Variants in VANGL1 observed in about 807,000 individuals in gnomAD.
VANGL1 encodes the protein VANGL planar cell polarity protein 1, also known as vang-like protein 1.
Under a neutral mutation model 48.4 loss-of-function variants are expected in VANGL1, and 18 were observed. The observed-to-expected ratio is 0.37, with a 90% CI of 0.26 to 0.55. The LOEUF is 0.55. VANGL1 is among the 20% of genes least tolerant of loss of function. The pLI, the probability that VANGL1 is intolerant of heterozygous loss-of-function variation, is 0.81. For missense variants in VANGL1, 667 were observed against 675.8 expected (o/e 0.99, Z 0.14); for synonymous variants, 257 against 261.8 (o/e 0.98, Z 0.18).
At chr1:115,686,481 GA>G (rs1304129768) in intron 7 of VANGL1, among the ~76,000 whole-genome samples, 1 of 151,158 alleles carries the variant, frequency 6.6e-6, no homozygotes, top group East Asian at 2.0e-4. Context: ...AGTGTTACAA[GA>G]AACAGCCATG....
At chr1:115,643,478 CT>C (rs1340572325) in intron 1 of VANGL1, among the ~76,000 whole-genome samples, 8 of 152,236 alleles carry the variant, frequency 5.3e-5, no homozygotes, top group Non-Finnish European at 7.4e-5. Flanking sequence ...GAAACTGTTT[CT>C]TTTTCCAGTT....
chr1:115,659,501 T>A, intron 2 of VANGL1, 140 bp from the exon 3 acceptor site: 1 of 1,105,286 alleles, frequency 9.0e-7, no homozygotes, highest in East Asian at 2.5e-5. Context: ...TGGGTTTTGA[T>A]GCTCTGTGTG....
In VANGL1 at chr1:115,691,423, A is replaced by G. The variant is rs1314285104; in HGVS notation, c.*44A>G. On this transcript the variant is annotated 3_prime_UTR_variant, in exon 8 of 8. Coordinates refer to ENST00000355485, the MANE Select transcript of VANGL1 (RefSeq NM_138959.3). The stretch of plus-strand genomic sequence containing the variant: ...TTTATTAAAAAAAAAAGAAAAATAT[A>G]TAGAGAGATATATATCTATGCCAGA... The G allele has an allele frequency of 1.9e-6, 3 of 1,569,336 alleles. No individual in the cohort carries two copies. Among genetic ancestry groups the G allele is most frequent in the Non-Finnish European group, 2.6e-6 (3 of 1,156,562 alleles).
intron 4 of VANGL1, chr1:115,671,403 C>T (rs1652967271): frequency 6.6e-6 from 1 of 152,364 alleles, no homozygotes; most frequent in Non-Finnish European, 1.5e-5. Context: ...TGCTCCAGCC[C>T]AGGTTTCGGG....
At chr1:115,677,064 G>T (rs966015416) in intron 4 of VANGL1, among the ~76,000 whole-genome samples, 1 of 152,240 alleles carries the variant, frequency 6.6e-6, no homozygotes, top group Non-Finnish European at 1.5e-5. Context: ...TCCTCCCACA[G>T]CCTCTGTGCA....
At chr1:115,654,644 G>A (rs922933608) in intron 2 of VANGL1, among the ~76,000 whole-genome samples, 2 of 152,090 alleles carry the variant, frequency 1.3e-5, no homozygotes, top group Admixed American at 1.3e-4. Context: ...CAGGAGCTGG[G>A]CTCTGCCATG....
chr1:115,646,908 T>C (rs1651962768), intron 1 of VANGL1, among the ~76,000 whole-genome samples: 1 of 152,112 alleles, frequency 6.6e-6, no homozygotes, highest in African/African-American at 2.4e-5. Flanking sequence ...TAAGGAGTGA[T>C]GAGTAGGAAT....
chr1:115,659,869 T>C (rs1418217906), intron 3 of VANGL1, 96 bp downstream of exon 3: 1 of 1,547,246 alleles, frequency 6.5e-7, no homozygotes, highest in Non-Finnish European at 8.9e-7. Context: ...TTTGTCTTTA[T>C]TTTTCTAGCA....
At chr1:115,657,218 G>T (rs951061937) in intron 2 of VANGL1, among the ~76,000 whole-genome samples, 1 of 152,200 alleles carries the variant, frequency 6.6e-6, no homozygotes, top group African/African-American at 2.4e-5. Context: ...GTGATTCCTA[G>T]CAATAGCTTC....
rs752688953 is a variant in VANGL1 at position 115,684,117 on chromosome 1, T to C, written c.1079+41T>C. 24 of 1,534,598 alleles carry C rather than the reference T, an allele frequency of 1.6e-5. No individual in the cohort carries two copies. The East Asian group carries it at 3.2e-4, about 21-fold the overall frequency. ...GATGCCAGTACCCTCTTACAGACTT[T>C]TAAATTTTTATTTTATTTATTTATT... On this transcript the variant is annotated intron_variant, in intron 6 of 7. Transcript: ENST00000355485.
chr1:115,684,790 G>A (rs1225911681), intron 6 of VANGL1, among the ~76,000 whole-genome samples: 1 of 152,184 alleles, frequency 6.6e-6, no homozygotes, highest in Non-Finnish European at 1.5e-5. Flanking sequence ...AGGGGACAGA[G>A]GTGCATTCCA....
intron 2 of VANGL1, among the ~76,000 whole-genome samples, chr1:115,654,778 G>C (rs1652282234): frequency 6.6e-6 from 1 of 152,118 alleles, no homozygotes; most frequent in Non-Finnish European, 1.5e-5. Context: ...TATGTTAACT[G>C]CTTTGGGGGT....
rs1163667905 is a variant in VANGL1 at position 115,681,413 on chromosome 1, C to G, written c.813-951C>G. Among the ~76,000 whole-genome samples, 4 of 152,066 alleles carry G rather than the reference C, an allele frequency of 2.6e-5. No individual in the cohort carries two copies. In the East Asian group the frequency reaches 7.7e-4, roughly 29 times the overall value. ...GGAACATAGATAGTCACCTTCATAC[C>G]CCTCTGCCAAAGGCCAGAGATAGCA... On this transcript the variant is annotated intron_variant, in intron 4 of 7. Transcript: ENST00000355485.
chr1:115,691,733 G>T lies in VANGL1; in HGVS notation c.*354G>T. Reference sequence around the variant, plus strand: ...CAGTACCAAGTCCCCCGTTGCTTCTGGTCAGCCCACTTGTAGACTTCCAGG... The same window carrying T: ...CAGTACCAAGTCCCCCGTTGCTTCTTGTCAGCCCACTTGTAGACTTCCAGG... On this transcript the variant is annotated 3_prime_UTR_variant, in exon 8 of 8. Coordinates refer to ENST00000355485, the MANE Select transcript of VANGL1 (RefSeq NM_138959.3). 1 of 232,318 alleles carries T rather than the reference G, an allele frequency of 4.3e-6. No homozygotes were observed. Among genetic ancestry groups the T allele is most frequent in the Non-Finnish European group, 8.4e-6 (1 of 118,744 alleles). 14.4% of individuals were successfully genotyped at this position (232,318 alleles called of 1,614,324 possible). A position where few individuals can be genotyped will look rare whatever the true frequency, so the allele number is the denominator to read the frequency against.
At chr1:115,664,321 A>G in intron 4 of VANGL1, 53 bp downstream of exon 4, 1 of 1,595,808 alleles carries the variant, frequency 6.3e-7, no homozygotes, top group Non-Finnish European at 8.5e-7. Flanking sequence ...TTGCTGGGAG[A>G]CAGCTGCTCT....
rs1654022485 is a variant in VANGL1 at position 115,696,155 on chromosome 1, T to C, written c.*4776T>C. ...CACCTTCTGCTCCCACTCTGCTGGCTTGGGCAAGATGCGTGCCTTGGGCCT... is the reference window on the plus strand; with the variant it reads ...CACCTTCTGCTCCCACTCTGCTGGCCTGGGCAAGATGCGTGCCTTGGGCCT... On this transcript the variant is annotated 3_prime_UTR_variant, in exon 8 of 8. Transcript: ENST00000355485. The C allele has an allele frequency of 6.6e-6, 1 of 152,662 alleles. No homozygotes were observed. The highest frequency in any genetic ancestry group is 1.5e-5 in the Non-Finnish European group (1 of 68,422). 9.5% of individuals were successfully genotyped at this position (152,662 alleles called of 1,614,324 possible).
At chr1:115,685,272 T>C (rs775123101) in intron 6 of VANGL1, 21 bp from the exon 7 acceptor site, 11 of 1,612,886 alleles carry the variant, frequency 6.8e-6, no homozygotes, top group Non-Finnish European at 9.3e-6. Flanking sequence ...CCTGATTACT[T>C]AGTGTTGCAT....
intron 4 of VANGL1, 141 bp from the exon 5 acceptor site, chr1:115,682,223 T>C (rs1653420525): frequency 8.3e-7 from 1 of 1,206,050 alleles, no homozygotes; most frequent in Admixed American, 2.1e-5. Flanking sequence ...AGACCAGAAG[T>C]GTGGTGGAAC....
Position 115,682,385 on chromosome 1 carries a change from G to A in VANGL1, c.834G>A (p.Val278=), listed in dbSNP as rs759542436. 1 of 1,614,132 alleles carries A rather than the reference G, an allele frequency of 6.2e-7. No homozygotes were observed. The change falls in exon 5 of 8, where the codon GTG becomes GTA. Residue 278 remains valine, a synonymous_variant. Transcript: ENST00000355485. ...GHLSIQRAAL[V]VLENYYKDFT... ...TCAGTATCCAGCGAGCAGCATTGGT[G>A]GTCCTAGAAAATTACTACAAAGATT... is the stretch of plus-strand genomic sequence containing the variant.
Sources: gnomAD v4.1 joint callset for allele counts (sites outside exome capture counted in the v4.1 genomes callset) on GRCh38, gnomAD v4.1.1 for gene constraint, MANE v1.5 for transcripts, NCBI Gene and HGNC (gene_info 2026-07-23, HGNC 2026-07-21) for gene names.